SHQ1: variants seen among roughly 807,000 people sequenced by gnomAD.
SHQ1 encodes the protein protein SHQ1 homolog.
In SHQ1, 49 loss-of-function variants were observed where a neutral mutation model predicts 53.8. The observed-to-expected ratio is 0.91, with a 90% CI of 0.72 to 1.16. The LOEUF (loss-of-function observed/expected upper bound fraction) is 1.16, where lower values mean the gene tolerates loss of function less well. SHQ1 is among the 50% of genes most tolerant of loss of function. SHQ1 has a pLI of 0.00. For synonymous variants in SHQ1, 243 were observed against 251.0 expected (o/e 0.97, Z 0.30); for missense variants, 738 against 683.1 (o/e 1.08, Z -0.90).
chr3:72,844,589 C>A, intron 1 of SHQ1, 166 bp from the exon 2 acceptor site: 1 of 674,882 alleles, frequency 1.5e-6, no homozygotes, highest in Non-Finnish European at 2.7e-6. Context: ...CTTTCCCCAA[C>A]CAAGAAAGTA....
intron 9 of SHQ1, among the ~76,000 whole-genome samples, chr3:72,803,167 G>T (rs968797675): frequency 5.9e-5 from 9 of 152,156 alleles, no homozygotes; most frequent in Non-Finnish European, 7.3e-5. Flanking sequence ...TCTCAGACAT[G>T]CTATGGCTCT....
At chr3:72,741,760 G>A in the SHQ1 span, among the ~76,000 whole-genome samples, 1 of 152,028 alleles carries the variant, frequency 6.6e-6, no homozygotes, top group South Asian at 2.1e-4. Flanking sequence ...GTATCCTGGG[G>A]TTTCACATCC....
chr3:72,765,431 T>C (rs1705699858), intron 10 of SHQ1, among the ~76,000 whole-genome samples: 1 of 146,748 alleles, frequency 6.8e-6, no homozygotes, highest in South Asian at 2.1e-4. Context: ...CTGATTCATT[T>C]TTTTTTTTTT....
chr3:72,752,874 G>A (rs182571290), intron 10 of SHQ1: 8 of 512,530 alleles, frequency 1.6e-5, no homozygotes, highest in Admixed American at 1.3e-4. Context: ...CATGTTGGCC[G>A]AGATGGTCTT....
intron 9 of SHQ1, among the ~76,000 whole-genome samples, chr3:72,811,659 G>T (rs774897413): frequency 2.0e-5 from 3 of 152,078 alleles, no homozygotes; most frequent in Non-Finnish European, 4.4e-5. Flanking sequence ...TTTCAAACAT[G>T]ATTTTCTTCC....
chr3:72,800,116 G>A (rs577149632), intron 9 of SHQ1, among the ~76,000 whole-genome samples: 5 of 152,192 alleles, frequency 3.3e-5, no homozygotes, highest in East Asian at 3.9e-4. Flanking sequence ...GAATGTTAAC[G>A]ACAATTAGGA....
chr3:72,730,181 T>C, the SHQ1 span, among the ~76,000 whole-genome samples: 2 of 151,304 alleles, frequency 1.3e-5, no homozygotes, highest in Non-Finnish European at 2.9e-5. Context: ...AGTGATGCAA[T>C]CATAACTCAC....
chr3:72,841,056 G>T lies in SHQ1; in HGVS notation c.475C>A (p.Gln159Lys), dbSNP rs936760285. 3 of 1,611,628 alleles carry T rather than the reference G, an allele frequency of 1.9e-6. No individual in the cohort carries two copies. Among genetic ancestry groups the T allele is most frequent in the Admixed American group, 1.7e-5 (1 of 59,364 alleles). ...GFGNLRSGVLQRLQDELSDVI... is the reference protein window; with the variant it reads ...GFGNLRSGVLKRLQDELSDVI... ...GAAAGACAACATACCTGTAACCGTT[G>T]CAACACTCCTGATCGTAAGTTTCCA... Residue 159 changes from glutamine to lysine, a missense_variant, in exon 4 of 11, where the codon CAA becomes AAA. Physicochemically the swap from Gln to Lys is moderately conservative, Grantham distance 53. Transcript: ENST00000325599.
chr3:72,750,664 A>G lies in SHQ1; in HGVS notation c.1354T>C (p.Ser452Pro). 6.2e-7 allele frequency: 1 copy of G among 1,612,420 alleles called. No individual in the cohort carries two copies. Among genetic ancestry groups the G allele is most frequent in the Non-Finnish European group, 8.5e-7 (1 of 1,179,102 alleles). ...VSGQQTLCSS[S>P]EASDSEDSDS... ...GAGTCCTCCGAATCACTTGCCTCAG[A>G]GCTGGAGCAAAGTGTCTGCTGCCCA... The change falls in exon 11 of 11, where the codon TCT becomes CCT. Residue 452 changes from serine (S) to proline (P), a missense_variant. Physicochemically the swap from Ser to Pro is moderately conservative, Grantham distance 74. Coordinates refer to ENST00000325599, the MANE Select transcript of SHQ1 (RefSeq NM_018130.3).
rs76056409 is a variant in SHQ1 at position 72,750,106 on chromosome 3, G to A, written c.*178C>T. ...GTCTGTACATGTTTGGTACAGATGC[G>A]ATTTTTTCTTCAATATTTTTGATCT... is the stretch of plus-strand genomic sequence containing the variant. On this transcript the variant is annotated 3_prime_UTR_variant, in exon 11 of 11. Transcript: ENST00000325599. 4.7e-3 allele frequency: 2,857 copies of A among 601,922 alleles called. 89 individuals are homozygous for A. In the East Asian group the frequency reaches 0.067, roughly 14 times the overall value. 37.3% of individuals were successfully genotyped at this position (601,922 alleles called of 1,614,324 possible).
chr3:72,745,269 G>A (rs544492039), downstream of SHQ1, among the ~76,000 whole-genome samples: 1 of 152,162 alleles, frequency 6.6e-6, no homozygotes, highest in South Asian at 2.1e-4. Flanking sequence ...ATTAGCAGGT[G>A]TGAAAACCGC....
intron 1 of SHQ1, among the ~76,000 whole-genome samples, chr3:72,847,540 C>T (rs1405934387): frequency 6.6e-6 from 1 of 152,054 alleles, no homozygotes; most frequent in Non-Finnish European, 1.5e-5. Context: ...TTAGCTGCTA[C>T]CAAGGTTACG....
intron 10 of SHQ1, among the ~76,000 whole-genome samples, chr3:72,783,404 A>C: frequency 1.5e-5 from 2 of 137,660 alleles, no homozygotes; most frequent in Admixed American, 8.0e-5. Context: ...TCCCTCTGTC[A>C]CTCAGGCTGG....
At chr3:72,809,153 G>C (rs915789853) in intron 9 of SHQ1, among the ~76,000 whole-genome samples, 6 of 152,094 alleles carry the variant, frequency 3.9e-5, no homozygotes, top group Non-Finnish European at 8.8e-5. Context: ...GAGCAACATG[G>C]GGTGGCCAAG....
rs1209661706 is a variant in SHQ1, at chr3:72,750,807, G to C, written c.1211C>G (p.Ala404Gly). 2 of 1,528,366 alleles carry C rather than the reference G, an allele frequency of 1.3e-6. No homozygotes were observed. Among genetic ancestry groups the C allele is most frequent in the Non-Finnish European group, 8.8e-7 (1 of 1,137,384 alleles). 94.7% of individuals were successfully genotyped at this position (1,528,366 alleles called of 1,614,324 possible). The change falls in exon 11 of 11, where the codon GCC becomes GGC. Residue 404 changes from alanine to glycine, a missense_variant. Transcript: ENST00000325599. ...KSKKLAALAE[A>G]LKEVSLTKAQ... is the part of the protein sequence containing the mutation. ...CTTTGTAAGGGAGACTTCCTTTAAG[G>C]CTTCTGCAAGAGCTGCCAACTTTTT... is the stretch of plus-strand genomic sequence containing the variant.
Position 72,848,344 on chromosome 3 carries a change from C to A in SHQ1, c.-4G>T, listed in dbSNP as rs372599849. 2.2e-5 allele frequency: 36 copies of A among 1,613,500 alleles called. No individual in the cohort carries two copies. Among genetic ancestry groups the A allele is most frequent in the Middle Eastern group, 3.3e-4 (2 of 6,080 alleles). On this transcript the variant is annotated 5_prime_UTR_variant, in exon 1 of 11. Transcript: ENST00000325599. ...GGTCGAACGCCGGGGTCAGCATCGC[C>A]GCACCGGACGCAAGGGCCGGCGCCG...
At chr3:72,733,277 C>T in the SHQ1 span, among the ~76,000 whole-genome samples, 1 of 151,564 alleles carries the variant, frequency 6.6e-6, no homozygotes. Context: ...TCCCTTCCAC[C>T]TCCCATTCCA....
At position 72,751,535 on chromosome 3, in the gene SHQ1, T is replaced by C. The variant is rs111387148; in HGVS notation, c.1182-699A>G. ...ATATATATATATATATATATACATA[T>C]ACATACACTAATAAAGCCTAACTCT... On this transcript the variant is annotated intron_variant, in intron 10 of 10. Transcript: ENST00000325599. Among the ~76,000 whole-genome samples the C allele has an allele frequency of 2.1e-4, 29 of 139,968 alleles. 2 individuals carry two copies. The highest frequency in any genetic ancestry group is 7.2e-4 in the African/African-American group (24 of 33,438). The allele number at this position is 139,968 out of a possible 152,430, so 91.8% of individuals were successfully genotyped here.
chr3:72,751,495 TGTGTGTGTGTGTG>T (rs1705369231), intron 10 of SHQ1, among the ~76,000 whole-genome samples: 2 of 123,820 alleles, frequency 1.6e-5, no homozygotes, highest in African/African-American at 8.3e-5. Context: ...TGTGTGTGTG[TGTGTGTGTGTGTG>T]TATATATATA....
Sources: gnomAD v4.1 joint callset for allele counts (sites outside exome capture counted in the v4.1 genomes callset) on GRCh38, gnomAD v4.1.1 for gene constraint, MANE v1.5 for transcripts, NCBI Gene and HGNC (gene_info 2026-07-23, HGNC 2026-07-21) for gene names.